RGS6: variants seen among roughly 807,000 people sequenced by gnomAD.
RGS6 encodes regulator of G protein signaling 6, also known as regulator of G-protein signaling 6.
Under a neutral mutation model 78.5 loss-of-function variants are expected in RGS6, and 30 were observed. The ratio of observed to expected loss-of-function variants is 0.38; its 90% CI spans 0.29 to 0.52. The LOEUF is 0.52. Ranked by LOEUF, RGS6 falls within the 20% of genes least tolerant of loss-of-function variation. The pLI is 0.85. For missense variants in RGS6, 495 were observed against 609.7 expected, an observed-to-expected ratio of 0.81 and a Z score of 1.98; for synonymous variants, 206 against 206.0, an observed-to-expected ratio of 1.00 and a Z score of 0.00.
chr14:72,417,298 C>A (rs985195215), intron 3 of RGS6, among the ~76,000 whole-genome samples: 1 of 152,194 alleles, frequency 6.6e-6, no homozygotes, highest in Non-Finnish European at 1.5e-5. Flanking sequence ...GATGACTGCC[C>A]CCCCACCAAG....
rs113832671 is a variant in RGS6 at position 72,356,338 on chromosome 14, G to A, written c.184+4144G>A. Among the ~76,000 whole-genome samples, 918 of 152,288 alleles carry A rather than the reference G, an allele frequency of 6.0e-3. 4 individuals are homozygous for A. The highest frequency in any genetic ancestry group is 9.1e-3 in the Admixed American group (139 of 15,288). ...TGCTCTCTCTCTCTCCTGCCGCTAT[G>A]TAAGACATGCCTTTTTTCCCCTTTA... On this transcript the variant is annotated intron_variant, in intron 3 of 17. Coordinates refer to ENST00000553525, the MANE Select transcript of RGS6 (RefSeq NM_001204424.2).
At chr14:72,109,143 T>G (rs1442962956) in intron 2 of RGS6, among the ~76,000 whole-genome samples, 1 of 152,134 alleles carries the variant, frequency 6.6e-6, no homozygotes. Flanking sequence ...TCTTTTTTTT[T>G]CTTTCTGTTT....
chr14:71,880,714 C>A, the RGS6 span, among the ~76,000 whole-genome samples: 123 of 152,346 alleles, frequency 8.1e-4, 1 homozygote, highest in Middle Eastern at 0.017. Context: ...GCCTGGATGT[C>A]CAGGAACAAG....
At chr14:72,543,116 T>A (rs572264362) in intron 17 of RGS6, among the ~76,000 whole-genome samples, 1 of 152,262 alleles carries the variant, frequency 6.6e-6, no homozygotes, top group South Asian at 2.1e-4. Context: ...AAACCCTGCT[T>A]ATTTGATAAG....
At chr14:72,240,245 C>G (rs1233595140) in intron 2 of RGS6, among the ~76,000 whole-genome samples, 1 of 152,208 alleles carries the variant, frequency 6.6e-6, no homozygotes, top group Admixed American at 6.5e-5. Context: ...AGAGCTGCAG[C>G]CTTGATCCTA....
intron 2 of RGS6, among the ~76,000 whole-genome samples, chr14:71,967,044 C>G (rs1487713589): frequency 6.6e-6 from 1 of 151,802 alleles, no homozygotes; most frequent in Non-Finnish European, 1.5e-5. Context: ...TTTATGAGAA[C>G]TTGGTTTTTA....
intron 2 of RGS6, among the ~76,000 whole-genome samples, chr14:72,132,254 T>C (rs1048341656): frequency 6.6e-6 from 1 of 151,916 alleles, no homozygotes; most frequent in Admixed American, 6.6e-5. Context: ...ACAATCCTCA[T>C]TTTGTATGTA....
At chr14:72,537,784 G>GGC in intron 16 of RGS6, 1 of 553,514 alleles carries the variant, frequency 1.8e-6, no homozygotes, top group Non-Finnish European at 3.2e-6. Flanking sequence ...GACTTTCTAA[G>GGC]GCTCTGGTAG....
At chr14:72,212,259 G>T (rs2044361358) in intron 2 of RGS6, among the ~76,000 whole-genome samples, 1 of 152,172 alleles carries the variant, frequency 6.6e-6, no homozygotes, top group Admixed American at 6.5e-5. Flanking sequence ...ATGCTTTGGG[G>T]ACATGACAAT....
chr14:72,552,405 G>A (rs899033126), intron 17 of RGS6, among the ~76,000 whole-genome samples: 1 of 152,168 alleles, frequency 6.6e-6, no homozygotes. Flanking sequence ...GGTGGGGAGG[G>A]CCACCAGGCA....
At chr14:72,496,973 G>A (rs1202611829) in intron 13 of RGS6, among the ~76,000 whole-genome samples, 2 of 152,142 alleles carry the variant, frequency 1.3e-5, no homozygotes, top group Non-Finnish European at 2.9e-5. Flanking sequence ...TGGCACCGGT[G>A]AAGTAAGATT....
intron 2 of RGS6, among the ~76,000 whole-genome samples, chr14:72,216,078 C>T (rs1424631786): frequency 1.3e-5 from 2 of 152,216 alleles, no homozygotes; most frequent in Non-Finnish European, 2.9e-5. Flanking sequence ...TCCACTCTAT[C>T]ATCTAAAGAT....
intron 11 of RGS6, chr14:72,477,089 G>T: frequency 2.2e-6 from 1 of 460,786 alleles, no homozygotes; most frequent in African/African-American, 2.0e-5. Context: ...CCATGCCTTG[G>T]GGTAACTGCT....
the RGS6 span, among the ~76,000 whole-genome samples, chr14:71,880,303 C>T: frequency 6.6e-6 from 1 of 152,180 alleles, no homozygotes. Flanking sequence ...AAAGAAAATC[C>T]CATTTCTGAG....
chr14:72,380,811 A>T lies in RGS6; in HGVS notation c.184+28617A>T, dbSNP rs141837885. Among the ~76,000 whole-genome samples, 611 of 152,264 alleles carry T rather than the reference A, an allele frequency of 4.0e-3. 5 individuals carry two copies. Among genetic ancestry groups the T allele is most frequent in the African/African-American group, 0.014 (591 of 41,576 alleles). On this transcript the variant is annotated intron_variant, in intron 3 of 17. Transcript: ENST00000553525. The stretch of plus-strand genomic sequence containing the variant: ...AACTACTATAGCATCCAGCAATTCC[A>T]CTACTGGACATTTATGCAAAGGGAA...
At chr14:71,887,824 C>T in the RGS6 span, among the ~76,000 whole-genome samples, 10,191 of 152,192 alleles carry the variant, frequency 0.067, 495 homozygotes, top group Non-Finnish European at 0.1. Flanking sequence ...TGTTTTTGCC[C>T]TTTGTCCTGT....
the RGS6 span, among the ~76,000 whole-genome samples, chr14:71,890,358 C>CAGAGAGAGAGAGAGAGAGAG: frequency 1.0e-3 from 134 of 133,088 alleles, no homozygotes; most frequent in Middle Eastern, 3.8e-3. Flanking sequence ...GTGCATAAGA[C>CAGAGAGAGAGAGAGAGAGAG]AGAGAGAGAG....
chr14:71,898,512 T>G, the RGS6 span, among the ~76,000 whole-genome samples: 4 of 152,184 alleles, frequency 2.6e-5, no homozygotes, highest in Non-Finnish European at 1.5e-5. Context: ...TTTTTTTTAT[T>G]ATTTTGCTTT....
At chr14:71,963,016 A>G (rs2093309251) in intron 1 of RGS6, among the ~76,000 whole-genome samples, 1 of 152,216 alleles carries the variant, frequency 6.6e-6, no homozygotes, top group African/African-American at 2.4e-5. Flanking sequence ...TAACATTTGT[A>G]TAGGACTTTT....
Sources: allele counts gnomAD v4.1 joint callset (sites outside exome capture counted in the v4.1 genomes callset), GRCh38; gene constraint gnomAD v4.1.1; transcripts MANE v1.5; gene names NCBI Gene and HGNC (gene_info 2026-07-23, HGNC 2026-07-21).